Variants in OPRL1 observed in about 807,000 individuals in gnomAD.
The protein encoded by OPRL1 is nociceptin receptor.
A neutral mutation model predicts 15.5 loss-of-function variants in OPRL1; 5 were observed. The observed-to-expected ratio is 0.32, with a 90% CI of 0.17 to 0.68. The LOEUF is 0.68. Ranked by LOEUF, OPRL1 falls within the 30% of genes least tolerant of loss-of-function variation. The pLI is 0.72. For missense variants in OPRL1, 406 were observed against 515.3 expected (o/e 0.79, Z 2.05); for synonymous variants, 223 against 230.2 (o/e 0.97, Z 0.28).
Position 64,098,314 on chromosome 20 carries a change from T to C in OPRL1, c.628T>C (p.Tyr210His), listed in dbSNP as rs773412438. The C allele has an allele frequency of 3.5e-5, 57 of 1,613,824 alleles. No homozygotes were observed. Among genetic ancestry groups the C allele is most frequent in the Non-Finnish European group, 4.6e-5 (54 of 1,179,986 alleles). ...CLVEIPTPQDYWGPVFAICIF... is the reference protein window; with the variant it reads ...CLVEIPTPQDHWGPVFAICIF... The stretch of plus-strand genomic sequence containing the variant: ...GGTGGAGATCCCTACCCCTCAGGAT[T>C]ACTGGGGCCCGGTGTTTGCCATCTG... Residue 210 changes from tyrosine to histidine, a missense_variant, in exon 5 of 5, where the codon TAC becomes CAC. By Grantham distance (83) the Tyr-to-His change is moderately conservative (BLOSUM62 2). Transcript: ENST00000336866.
chr20:64,095,743 T>G (rs1457662982), intron 3 of OPRL1, among the ~76,000 whole-genome samples: 1 of 151,868 alleles, frequency 6.6e-6, no homozygotes, highest in African/African-American at 2.4e-5. Context: ...AAGTGTTCCC[T>G]CCTTACAACC....
At chr20:64,088,511 ATAGCATCTATGTGGGGTGG>A (rs1190128114) in intron 1 of OPRL1, among the ~76,000 whole-genome samples, 17 of 146,944 alleles carry the variant, frequency 1.2e-4, no homozygotes, top group African/African-American at 3.9e-4. Context: ...ACGCACGGGG[ATAGCATCTATGTGGGGTGG>A]GGGCACGGTC....
chr20:64,084,238 G>A (rs2060015665), intron 1 of OPRL1: 2 of 1,363,456 alleles, frequency 1.5e-6, no homozygotes, highest in African/African-American at 1.5e-5. Flanking sequence ...CCTGCGGAGG[G>A]AGGAGGGCGT....
rs756805239 is a variant in OPRL1, at chr20:64,092,692, C to A, written c.-29C>A. 1.9e-6 allele frequency: 3 copies of A among 1,591,668 alleles called. 1 individual carries two copies. The South Asian group carries it at 3.4e-5, about 18-fold the overall frequency. On this transcript the variant is annotated 5_prime_UTR_variant, in exon 3 of 5. Transcript: ENST00000336866. ...TGTCTCTGCGCTCTGTCCCAGGTAC[C>A]GTACAGAGTGGATTTGCAGGGCAGT...
chr20:64,091,608 G>T (rs1361049983), intron 1 of OPRL1, among the ~76,000 whole-genome samples: 1 of 152,158 alleles, frequency 6.6e-6, no homozygotes, highest in Non-Finnish European at 1.5e-5. Context: ...TGTGCCGGGA[G>T]CCCAGCTGGG....
rs1019966924 is a variant in OPRL1, at chr20:64,089,085, T to C, written c.-184-2881T>C. On this transcript the variant is annotated intron_variant, in intron 1 of 4. Coordinates refer to ENST00000336866, the MANE Select transcript of OPRL1 (RefSeq NM_182647.4). The surrounding 1 kb of genome is among the most constrained non-coding windows in gnomAD (Gnocchi z 5.5). Reference sequence around the variant, plus strand: ...GTCTATGTGGGTGGGGGGCAGGTTCTGCGCAGGGGGCCTAGGCTGTTCAGC... The same window carrying C: ...GTCTATGTGGGTGGGGGGCAGGTTCCGCGCAGGGGGCCTAGGCTGTTCAGC... 4.3e-5 allele frequency among the ~76,000 whole-genome samples: 5 copies of C among 115,510 alleles called. No individual in the cohort carries two copies. The highest frequency in any genetic ancestry group is 1.8e-5 in the Non-Finnish European group (1 of 56,146). The allele number at this position is 115,510 out of a possible 152,430, so 75.8% of individuals were successfully genotyped here.
In OPRL1 at chr20:64,100,064, G is replaced by A. The variant is rs1162427580; in HGVS notation, c.*1265G>A. 1 of 148,318 alleles carries A rather than the reference G, an allele frequency of 6.7e-6. No individual in the cohort carries two copies. The highest frequency in any genetic ancestry group is 1.5e-5 in the Non-Finnish European group (1 of 67,574). 9.2% of individuals were successfully genotyped at this position (148,318 alleles called of 1,614,324 possible). A position where few individuals can be genotyped will look rare whatever the true frequency, so the allele number is the denominator to read the frequency against. On this transcript the variant is annotated 3_prime_UTR_variant, in exon 5 of 5. Transcript: ENST00000336866. ...GTGGGGCCTGGCAGGGCTTGCTTGA[G>A]CCAAACTGCAAAGGCTGTGGTGGCT...
At chr20:64,088,347 G>T (rs1034008904) in intron 1 of OPRL1, among the ~76,000 whole-genome samples, 1 of 152,038 alleles carries the variant, frequency 6.6e-6, no homozygotes, top group African/African-American at 2.4e-5. Flanking sequence ...CTTTTAGGGG[G>T]TAACAGGATC....
At chr20:64,087,829 C>G (rs2060065183) in intron 1 of OPRL1, among the ~76,000 whole-genome samples, 1 of 152,234 alleles carries the variant, frequency 6.6e-6, no homozygotes, top group Non-Finnish European at 1.5e-5. Flanking sequence ...TCTGGAGGGA[C>G]CACCCCACCC....
Position 64,098,741 on chromosome 20 carries a change from T to C in OPRL1, c.1055T>C (p.Ile352Thr), listed in dbSNP as rs748465138. ...DVQVSDRVRSIAKDVALACKT... is the reference protein window; with the variant it reads ...DVQVSDRVRSTAKDVALACKT... ...CAGGTGTCTGACCGCGTGCGCAGCATTGCCAAGGACGTGGCCCTGGCCTGC... is the reference window on the plus strand; with the variant it reads ...CAGGTGTCTGACCGCGTGCGCAGCACTGCCAAGGACGTGGCCCTGGCCTGC... Residue 352 changes from isoleucine to threonine, a missense_variant, in exon 5 of 5, where the codon ATT becomes ACT. Physicochemically the swap from Ile to Thr is moderately conservative, Grantham distance 89. Transcript: ENST00000336866. 6.2e-6 allele frequency: 10 copies of C among 1,610,506 alleles called. 1 individual carries two copies. In the South Asian group the frequency reaches 1.1e-4, roughly 18 times the overall value.
At chr20:64,088,354 G>A (rs1227016949) in intron 1 of OPRL1, among the ~76,000 whole-genome samples, 1 of 152,094 alleles carries the variant, frequency 6.6e-6, no homozygotes, top group Non-Finnish European at 1.5e-5. Flanking sequence ...GGGGTAACAG[G>A]ATCTGTGCAG....
In OPRL1 at chr20:64,091,318, GGC is replaced by G. The variant is rs1336969378; in HGVS notation, c.-184-647_-184-646del. Among the ~76,000 whole-genome samples, 336 of 150,532 alleles carry G rather than the reference GGC, an allele frequency of 2.2e-3. 7 individuals carry two copies. The highest frequency in any genetic ancestry group is 0.012 in the East Asian group (57 of 4,898). Reference sequence around the variant, plus strand: ...GCCCAGCTGTGGCAGAGGTGCCCTGGGCACTGATCTGGGGCCCAGCTGTGGCA... The same window carrying G: ...GCCCAGCTGTGGCAGAGGTGCCCTGGACTGATCTGGGGCCCAGCTGTGGCA... On this transcript the variant is annotated intron_variant, in intron 1 of 4. Transcript: ENST00000336866.
chr20:64,092,965 C>A lies in OPRL1; in HGVS notation c.233+12C>A. ...TACGTCATCCTCAGGTAGGCTGGGC[C>A]CCAAGGTTCCTGTCTGGTGAGTCCC... On this transcript the variant is annotated intron_variant, in intron 3 of 4. Coordinates refer to ENST00000336866, the MANE Select transcript of OPRL1 (RefSeq NM_182647.4). 1 of 1,609,480 alleles carries A rather than the reference C, an allele frequency of 6.2e-7. No homozygotes were observed. The highest frequency in any genetic ancestry group is 8.5e-7 in the Non-Finnish European group (1 of 1,177,274).
intron 1 of OPRL1, among the ~76,000 whole-genome samples, chr20:64,088,162 G>A (rs968230683): frequency 6.6e-6 from 1 of 152,230 alleles, no homozygotes; most frequent in Non-Finnish European, 1.5e-5. Flanking sequence ...TAATGGCCAA[G>A]TTAGGAAGGT....
rs940801396 is a variant in OPRL1, at chr20:64,083,040, G to A, written c.-185+2688G>A. Among the ~76,000 whole-genome samples, 9 of 152,206 alleles carry A rather than the reference G, an allele frequency of 5.9e-5. No individual in the cohort carries two copies. The highest frequency in any genetic ancestry group is 2.2e-4 in the African/African-American group (9 of 41,510). ...CTGCCCTCTCCCTGGCCCCCTGGTG[G>A]GATGACTCGCACTCGAGACCACTGC... On this transcript the variant is annotated intron_variant, in intron 1 of 4. Transcript: ENST00000336866. The surrounding 1 kb of genome is among the most constrained non-coding windows in gnomAD (Gnocchi z 4.9).
At chr20:64,084,623 C>T (rs532465285) in intron 1 of OPRL1, among the ~76,000 whole-genome samples, 1 of 152,216 alleles carries the variant, frequency 6.6e-6, no homozygotes, top group African/African-American at 2.4e-5. Flanking sequence ...CCTATGTCTG[C>T]GGTCCCCGAC....
intron 1 of OPRL1, among the ~76,000 whole-genome samples, chr20:64,088,908 G>C: frequency 6.7e-6 from 1 of 149,574 alleles, no homozygotes; most frequent in Non-Finnish European, 1.5e-5. Flanking sequence ...CAGGGTCTGT[G>C]CAGAGTGGCC....
rs116593761 is a variant in OPRL1, at chr20:64,084,299, C to T, written c.-185+3947C>T. The T allele has an allele frequency of 2.9e-3, 3,715 of 1,299,410 alleles. 95 individuals are homozygous for T. The African/African-American group carries it at 0.052, about 18-fold the overall frequency. The allele number at this position is 1,299,410 out of a possible 1,614,324, so 80.5% of individuals were successfully genotyped here. ...GGCCCTGCCCGCCCCTCGGCAGGGC[C>T]CCAACGTGCGCCCCAGCTCCCGCCC... On this transcript the variant is annotated intron_variant, in intron 1 of 4. Transcript: ENST00000336866.
chr20:64,093,330 G>T (rs1313722324), intron 3 of OPRL1, among the ~76,000 whole-genome samples: 1 of 149,742 alleles, frequency 6.7e-6, no homozygotes, highest in Non-Finnish European at 1.5e-5. Flanking sequence ...GAAGGGAGGC[G>T]CAGGGGCTGG....
Sources: allele counts gnomAD v4.1 joint callset (sites outside exome capture counted in the v4.1 genomes callset), GRCh38; gene constraint gnomAD v4.1.1; non-coding constraint Gnocchi (gnomAD v3.1); transcripts MANE v1.5; gene names NCBI Gene and HGNC (gene_info 2026-07-23, HGNC 2026-07-21).